ATP6V0D2: variants seen among roughly 807,000 people sequenced by gnomAD.
The protein encoded by ATP6V0D2 is V-type proton ATPase subunit d 2.
In ATP6V0D2, 40 loss-of-function variants were observed where a neutral mutation model predicts 40.0. That is an observed-to-expected ratio of 1.00 (90% CI 0.78 to 1.30). The LOEUF (loss-of-function observed/expected upper bound fraction) is 1.30. Ranked by LOEUF, ATP6V0D2 falls within the 50% of genes most tolerant of loss-of-function variation. The pLI is 0.00. For synonymous variants in ATP6V0D2, 179 were observed against 156.3 expected, an observed-to-expected ratio of 1.15 and a Z score of -1.08; for missense variants, 470 against 423.1, an observed-to-expected ratio of 1.11 and a Z score of -0.97.
At chr8:86,135,782 ACTT>A (rs1236526070) in intron 2 of ATP6V0D2, among the ~76,000 whole-genome samples, 1 of 152,198 alleles carries the variant, frequency 6.6e-6, no homozygotes, top group African/African-American at 2.4e-5. Flanking sequence ...CTCTGTCACT[ACTT>A]ATGAGGATAA....
intron 2 of ATP6V0D2, among the ~76,000 whole-genome samples, chr8:86,134,287 A>G (rs1818867269): frequency 6.6e-6 from 1 of 152,222 alleles, no homozygotes; most frequent in African/African-American, 2.4e-5. Context: ...TTTTGTCACC[A>G]GCAGACCTAC....
intron 1 of ATP6V0D2, among the ~76,000 whole-genome samples, chr8:86,110,105 T>G (rs1818512918): frequency 6.6e-6 from 1 of 152,216 alleles, no homozygotes; most frequent in South Asian, 2.1e-4. Context: ...TTATATTTTA[T>G]TTTTTGAGAC....
At chr8:86,119,247 T>TTC (rs1818636719) in intron 2 of ATP6V0D2, among the ~76,000 whole-genome samples, 1 of 150,836 alleles carries the variant, frequency 6.6e-6, no homozygotes, top group Non-Finnish European at 1.5e-5. Flanking sequence ...TTTTTTTTTT[T>TTC]TTTGAGATGG....
intron 1 of ATP6V0D2, among the ~76,000 whole-genome samples, chr8:86,107,309 G>A (rs575457404): frequency 1.0e-3 from 152 of 152,226 alleles, no homozygotes; most frequent in Non-Finnish European, 1.3e-3. Context: ...TGGATGGGGA[G>A]TATATCAGTT....
chr8:86,123,351 T>C (rs1456395049), intron 2 of ATP6V0D2, among the ~76,000 whole-genome samples: 1 of 152,226 alleles, frequency 6.6e-6, no homozygotes, highest in Non-Finnish European at 1.5e-5. Flanking sequence ...AAAGTGATCA[T>C]TTTTTTCTTT....
intron 5 of ATP6V0D2, 128 bp from the exon 6 acceptor site, chr8:86,149,984 G>A (rs1213096900): frequency 1.2e-6 from 1 of 844,944 alleles, no homozygotes; most frequent in African/African-American, 1.7e-5. Flanking sequence ...ACACATGTCT[G>A]GAGTATAATT....
At position 86,142,949 on chromosome 8, in the gene ATP6V0D2, C is replaced by T; in HGVS notation, c.634C>T (p.Leu212Phe). 1 of 1,606,492 alleles carries T rather than the reference C, an allele frequency of 6.2e-7. No homozygotes were observed. Among genetic ancestry groups the T allele is most frequent in the Non-Finnish European group, 8.5e-7 (1 of 1,174,878 alleles). ...CACAGCAGAAGTTATGTGTCCCATT[C>T]TTGAGGTAAGAAAGAGTCCTTGAAT... is the stretch of plus-strand genomic sequence containing the variant. ...DVTAEVMCPILEFEADRRAFI... is the reference protein window; with the variant it reads ...DVTAEVMCPIFEFEADRRAFI... Residue 212 changes from leucine to phenylalanine, a missense_variant, in exon 5 of 8, where the codon CTT becomes TTT. Transcript: ENST00000285393.
intron 1 of ATP6V0D2, among the ~76,000 whole-genome samples, chr8:86,106,573 T>A (rs780584450): frequency 6.6e-6 from 1 of 152,216 alleles, no homozygotes; most frequent in Non-Finnish European, 1.5e-5. Context: ...CAAGAATTTG[T>A]TTTCCCTCTT....
intron 2 of ATP6V0D2, among the ~76,000 whole-genome samples, chr8:86,128,594 G>A (rs1051276061): frequency 6.6e-6 from 1 of 152,192 alleles, no homozygotes; most frequent in Non-Finnish European, 1.5e-5. Flanking sequence ...GCAATGTTTT[G>A]AGATTACTGA....
At chr8:86,128,701 G>A (rs1375122139) in intron 2 of ATP6V0D2, among the ~76,000 whole-genome samples, 1 of 152,168 alleles carries the variant, frequency 6.6e-6, no homozygotes, top group African/African-American at 2.4e-5. Flanking sequence ...CAACTCTGGG[G>A]TTACAAGATA....
rs188059267 is a variant in ATP6V0D2, at chr8:86,149,550, T to G, written c.640-562T>G. On this transcript the variant is annotated intron_variant, in intron 5 of 7. Transcript: ENST00000285393. Reference sequence around the variant, plus strand: ...ATAGTTCTTAGCTACAGTCTTAGATTTATTGATACCTCACCTAGGACACTA... The same window carrying G: ...ATAGTTCTTAGCTACAGTCTTAGATGTATTGATACCTCACCTAGGACACTA... 4.9e-3 allele frequency among the ~76,000 whole-genome samples: 748 copies of G among 152,280 alleles called. 32 individuals are homozygous for G. The highest frequency in any genetic ancestry group is 0.039 in the Admixed American group (602 of 15,290).
intron 7 of ATP6V0D2, 95 bp downstream of exon 7, chr8:86,151,635 T>C (rs1288016945): frequency 1.2e-5 from 11 of 913,272 alleles, no homozygotes; most frequent in East Asian, 2.7e-5. Context: ...CAGCTGATCA[T>C]GCCAATTGAT....
chr8:86,132,249 A>AT (rs200401160), intron 2 of ATP6V0D2, among the ~76,000 whole-genome samples: 15 of 150,296 alleles, frequency 1.0e-4, no homozygotes, highest in South Asian at 2.1e-4. Flanking sequence ...GGTCCATGCA[A>AT]TTTTTTTTTT....
chr8:86,129,774 G>GC (rs956150664), intron 2 of ATP6V0D2, among the ~76,000 whole-genome samples: 3 of 151,242 alleles, frequency 2.0e-5, no homozygotes, highest in Non-Finnish European at 4.4e-5. Context: ...CTGCACTCCA[G>GC]CCTGGGCAAC....
In ATP6V0D2 at chr8:86,145,294, AAAG is replaced by A. The variant is rs1819045435; in HGVS notation, c.639+2343_639+2345del. Among the ~76,000 whole-genome samples, 104 of 108,004 alleles carry A rather than the reference AAAG, an allele frequency of 9.6e-4. 3 individuals carry two copies. The highest frequency in any genetic ancestry group is 3.1e-3 in the South Asian group (9 of 2,900). 70.9% of individuals were successfully genotyped at this position (108,004 alleles called of 152,430 possible). A position where few individuals can be genotyped will look rare whatever the true frequency, so the allele number is the denominator to read the frequency against. ...GAAAGAAAGAAAGAAAGAAAGAAAG[AAAG>A]AAAGAAAGAAAGAAAAGAAAGAAGG... On this transcript the variant is annotated intron_variant, in intron 5 of 7. Coordinates refer to ENST00000285393, the MANE Select transcript of ATP6V0D2 (RefSeq NM_152565.1).
At position 86,152,869 on chromosome 8, in the gene ATP6V0D2, T is replaced by C; in HGVS notation, c.945T>C (p.Tyr315=). 3.1e-6 allele frequency: 5 copies of C among 1,612,834 alleles called. No homozygotes were observed. The highest frequency in any genetic ancestry group is 4.2e-6 in the Non-Finnish European group (5 of 1,179,532). The change falls in exon 8 of 8, where the codon TAT becomes TAC. Residue 315 remains tyrosine (Y), a synonymous_variant. Transcript: ENST00000285393. The part of the protein sequence containing the change: ...FNRQFHYGVF[Y]AYVKLKEQEI... ...GACAGTTCCACTACGGTGTGTTTTA[T>C]GCATATGTAAAGCTGAAGGAACAGG...
chr8:86,116,644 C>T (rs1013743590), intron 2 of ATP6V0D2, among the ~76,000 whole-genome samples: 19 of 151,976 alleles, frequency 1.3e-4, no homozygotes, highest in African/African-American at 3.4e-4. Context: ...TTATTTCCTA[C>T]GAGATTAGAC....
chr8:86,137,722 CA>C (rs1563563654), intron 2 of ATP6V0D2, among the ~76,000 whole-genome samples: 1 of 152,124 alleles, frequency 6.6e-6, no homozygotes. Flanking sequence ...CACATCACCC[CA>C]AAAACTAAAA....
intron 2 of ATP6V0D2, among the ~76,000 whole-genome samples, chr8:86,123,378 T>C (rs772805166): frequency 1.3e-5 from 2 of 152,168 alleles, no homozygotes; most frequent in Non-Finnish European, 2.9e-5. Flanking sequence ...TATTTGTATG[T>C]TTTTACTTTT....
Sources: gnomAD v4.1 joint callset for allele counts (sites outside exome capture counted in the v4.1 genomes callset) on GRCh38, gnomAD v4.1.1 for gene constraint, MANE v1.5 for transcripts, NCBI Gene and HGNC (gene_info 2026-07-23, HGNC 2026-07-21) for gene names.